The following SLF1 variants were observed in gnomAD, a reference collection of about 807,000 sequenced individuals.
SLF1 encodes SMC5/6 complex localization factor 1.
In SLF1, 105 loss-of-function variants were observed where a neutral mutation model predicts 123.0. That is an observed-to-expected ratio of 0.85 (90% confidence interval 0.73 to 1.00). The LOEUF (loss-of-function observed/expected upper bound fraction) is 1.00. Ranked by LOEUF, SLF1 falls within the 50% of genes least tolerant of loss-of-function variation. The pLI is 0.00. For synonymous variants in SLF1, 434 were observed against 406.6 expected, an observed-to-expected ratio of 1.07 and a Z score of -0.81; for missense variants, 1,239 against 1,223.0, an observed-to-expected ratio of 1.01 and a Z score of -0.20.
Position 94,670,862 on chromosome 5 carries a change from T to A in SLF1, c.1681T>A (p.Ser561Thr). The change falls in exon 14 of 21, where the codon TCT becomes ACT. Residue 561 changes from serine (S) to threonine (T), a missense_variant. Ser to Thr is a moderately conservative substitution (Grantham distance 58). Transcript: ENST00000265140. ...LSQKLYDWSD[S>T]QNLKITGKAM... ...AATTAGGTTGTATGACTGGTCAGAT[T>A]CTCAGAATCTGAAAATAACAGGAAA... The A allele has an allele frequency of 6.5e-7, 1 of 1,549,660 alleles. No individual in the cohort carries two copies. Among genetic ancestry groups the A allele is most frequent in the African/African-American group, 1.4e-5 (1 of 73,120 alleles).
At chr5:94,681,600 A>T (rs372120051) in intron 15 of SLF1, among the ~76,000 whole-genome samples, 2 of 151,416 alleles carry the variant, frequency 1.3e-5, no homozygotes, top group South Asian at 4.2e-4. Flanking sequence ...GCACCCACTA[A>T]CTCGTCATCT....
At chr5:94,654,532 T>C (rs1297593497) in intron 8 of SLF1, 98 bp from the exon 9 acceptor site, 3 of 875,602 alleles carry the variant, frequency 3.4e-6, no homozygotes, top group East Asian at 6.8e-5. Context: ...GTTAACATGG[T>C]ATGAATGTGT....
intron 4 of SLF1, among the ~76,000 whole-genome samples, chr5:94,637,529 C>G (rs1585121426): frequency 6.6e-6 from 1 of 151,884 alleles, no homozygotes; most frequent in East Asian, 1.9e-4. Flanking sequence ...CAGGTTGTAC[C>G]CCAAGATTAA....
At chr5:94,639,070 T>C (rs1746157365) in intron 4 of SLF1, among the ~76,000 whole-genome samples, 1 of 132,898 alleles carries the variant, frequency 7.5e-6, no homozygotes, top group Non-Finnish European at 1.6e-5. Flanking sequence ...AGATGGAGTC[T>C]GGCTCTGTTG....
chr5:94,642,624 C>T (rs943600997), intron 4 of SLF1, among the ~76,000 whole-genome samples: 6 of 152,132 alleles, frequency 3.9e-5, no homozygotes, highest in African/African-American at 1.4e-4. Context: ...CTTTTTCTTA[C>T]TGTTAGGTGG....
chr5:94,624,961 C>T (rs758657571), intron 1 of SLF1, among the ~76,000 whole-genome samples: 13 of 151,170 alleles, frequency 8.6e-5, no homozygotes, highest in Admixed American at 2.6e-4. Context: ...CCGAGGCAGG[C>T]GGATCACAAG....
chr5:94,677,556 G>A (rs1751227408), intron 14 of SLF1, among the ~76,000 whole-genome samples: 1 of 152,120 alleles, frequency 6.6e-6, no homozygotes, highest in African/African-American at 2.4e-5. Context: ...TTAGATGGCA[G>A]AACATAGTTA....
intron 1 of SLF1, among the ~76,000 whole-genome samples, chr5:94,627,832 A>G (rs1417861263): frequency 6.7e-6 from 1 of 150,068 alleles, no homozygotes; most frequent in African/African-American, 2.4e-5. Flanking sequence ...GAACAACAGT[A>G]CTTTTTTTTT....
chr5:94,642,656 A>G (rs1746575141), intron 4 of SLF1, among the ~76,000 whole-genome samples: 1 of 152,184 alleles, frequency 6.6e-6, no homozygotes, highest in Admixed American at 6.5e-5. Flanking sequence ...GTGGCTTTCT[A>G]AAGCCTAAGC....
intron 5 of SLF1, among the ~76,000 whole-genome samples, chr5:94,644,714 A>T (rs1480638576): frequency 1.3e-5 from 2 of 152,018 alleles, no homozygotes; most frequent in African/African-American, 4.8e-5. Context: ...TGATCCCCTT[A>T]CTCAGTGAGG....
chr5:94,641,034 C>T (rs1222867665), intron 4 of SLF1, among the ~76,000 whole-genome samples: 3 of 151,988 alleles, frequency 2.0e-5, no homozygotes, highest in African/African-American at 7.3e-5. Flanking sequence ...TGCCGGATAT[C>T]ACATATACAA....
intron 9 of SLF1, 115 bp from the exon 10 acceptor site, chr5:94,662,167 GTATCATATTAATTATA>G: frequency 1.7e-6 from 1 of 585,814 alleles, no homozygotes; most frequent in South Asian, 3.6e-5. Flanking sequence ...GTAAATATGA[GTATCATATTAATTATA>G]GCTATTAATG....
intron 12 of SLF1, among the ~76,000 whole-genome samples, chr5:94,669,179 T>G (rs1363538592): frequency 6.6e-6 from 1 of 152,200 alleles, no homozygotes; most frequent in Admixed American, 6.5e-5. Context: ...ATTTGAAATA[T>G]TCCATAATGC....
chr5:94,668,679 T>G (rs1459496623), intron 12 of SLF1, among the ~76,000 whole-genome samples: 2 of 152,086 alleles, frequency 1.3e-5, no homozygotes, highest in Non-Finnish European at 2.9e-5. Flanking sequence ...GAAGTCTCCC[T>G]GTGTTGCCCA....
chr5:94,657,809 T>C (rs1748590906), intron 9 of SLF1, among the ~76,000 whole-genome samples: 2 of 152,104 alleles, frequency 1.3e-5, no homozygotes, highest in South Asian at 4.1e-4. Context: ...ACCTTCTTTA[T>C]CTCTTTTTAC....
intron 14 of SLF1, among the ~76,000 whole-genome samples, chr5:94,676,121 A>G (rs981067512): frequency 3.1e-4 from 47 of 152,118 alleles, no homozygotes; most frequent in Non-Finnish European, 7.4e-5. Flanking sequence ...TTTCCTGAGT[A>G]CTGTCACTGC....
chr5:94,641,028 G>A (rs958843339), intron 4 of SLF1, among the ~76,000 whole-genome samples: 2 of 151,792 alleles, frequency 1.3e-5, no homozygotes, highest in South Asian at 2.1e-4. Context: ...ATTGCATGCC[G>A]GATATCACAT....
chr5:94,662,266 G>T, intron 9 of SLF1, 32 bp from the exon 10 acceptor site: 2 of 1,513,308 alleles, frequency 1.3e-6, no homozygotes, highest in Non-Finnish European at 1.8e-6. Context: ...ATCTTAAAAT[G>T]TTGTTTTAAT....
rs564387561 is a variant in SLF1, at chr5:94,630,671, C to A, written c.359C>A (p.Ala120Asp). ...RWREELKRTGAPGAFHRWKVV... is the reference protein window; with the variant it reads ...RWREELKRTGDPGAFHRWKVV... ...CGTGAAGAACTGAAACGCACTGGTG[C>A]TCCAGGAGCCTTCCACAGATGGAAA... The change falls in exon 4 of 21, where the codon GCT becomes GAT. Residue 120 changes from alanine to aspartate, a missense_variant. Coordinates refer to ENST00000265140, the MANE Select transcript of SLF1 (RefSeq NM_032290.4). 55 of 1,551,722 alleles carry A rather than the reference C, an allele frequency of 3.5e-5. No individual in the cohort carries two copies. In the African/African-American group the frequency reaches 7.2e-4, roughly 20 times the overall value.
Sources: allele counts gnomAD v4.1 joint callset (sites outside exome capture counted in the v4.1 genomes callset), GRCh38; gene constraint gnomAD v4.1.1; transcripts MANE v1.5; gene names NCBI Gene and HGNC (gene_info 2026-07-23, HGNC 2026-07-21).